FAM186A: variants seen among roughly 807,000 people sequenced by gnomAD.
FAM186A encodes family with sequence similarity 186 member A.
In FAM186A, 163 loss-of-function variants were observed where a neutral mutation model predicts 216.8. The ratio of observed to expected loss-of-function variants is 0.75; its 90% CI spans 0.66 to 0.86. FAM186A has a LOEUF of 0.86. Among genes scored for constraint, FAM186A ranks in the 40% least tolerant of loss-of-function variants. The probability of loss-of-function intolerance (pLI) is 0.00; values close to 1 mark genes in which losing one functional copy is unlikely to be tolerated. For synonymous variants in FAM186A, 805 were observed against 1,025.3 expected, an observed-to-expected ratio of 0.79 and a Z score of 4.10; for missense variants, 2,184 against 2,746.2, an observed-to-expected ratio of 0.80 and a Z score of 4.58.
Position 50,354,084 on chromosome 12 carries a change from C to T in FAM186A, c.2748G>A (p.Glu916=). The T allele has an allele frequency of 1.3e-6, 2 of 1,551,656 alleles. No homozygotes were observed. The highest frequency in any genetic ancestry group is 1.7e-6 in the Non-Finnish European group (2 of 1,146,990). Residue 916 remains glutamate, a synonymous_variant, in exon 4 of 8, where the codon GAG becomes GAA. Transcript: ENST00000327337. ...KQKQRGQEEE[E]LPKSSLQRLE... ...GCCGCTGCAGGCTTGACTTTGGAAG[C>T]TCTTCTTCCTCCTGTCCTCTTTGCT...
At chr12:50,373,082 GAAAGAAAGAAAGA>G (rs1378973617) in intron 1 of FAM186A, among the ~76,000 whole-genome samples, 3 of 141,758 alleles carry the variant, frequency 2.1e-5, no homozygotes, top group East Asian at 4.2e-4. Flanking sequence ...AAAGAGAAAA[GAAAGAAAGAAAGA>G]AAAGAAAGAA....
chr12:50,345,662 A>C (rs1025954411), intron 4 of FAM186A, among the ~76,000 whole-genome samples: 2 of 151,962 alleles, frequency 1.3e-5, no homozygotes, highest in African/African-American at 4.8e-5. Context: ...GATTGTGGGT[A>C]TGGGGCTTTA....
At chr12:50,360,970 A>G (rs1943028978) in intron 2 of FAM186A, 44 bp from the exon 3 acceptor site, 1 of 1,434,358 alleles carries the variant, frequency 7.0e-7, no homozygotes, top group African/African-American at 1.4e-5. Flanking sequence ...CAGAAAAATA[A>G]ATAACTATAG....
chr12:50,384,772 A>G (rs1175988551), intron 1 of FAM186A, among the ~76,000 whole-genome samples: 4 of 152,164 alleles, frequency 2.6e-5, no homozygotes, highest in Non-Finnish European at 5.9e-5. Context: ...CTCTAAACTT[A>G]CACCATATAC....
intron 1 of FAM186A, among the ~76,000 whole-genome samples, chr12:50,380,521 C>CAAAAA (rs60955395): frequency 1.7e-3 from 132 of 76,342 alleles, no homozygotes; most frequent in African/African-American, 3.2e-3. Context: ...ACTAAAAATA[C>CAAAAA]AAAAAAAAAA....
At chr12:50,334,867 T>G (rs1381070728) in intron 4 of FAM186A, among the ~76,000 whole-genome samples, 1 of 152,224 alleles carries the variant, frequency 6.6e-6, no homozygotes, top group East Asian at 1.9e-4. Flanking sequence ...CCAGTTCCTA[T>G]GAATGAACCT....
At position 50,352,606 on chromosome 12, in the gene FAM186A, A is replaced by G. The variant is rs1942908885; in HGVS notation, c.4226T>C (p.Ile1409Thr). The G allele has an allele frequency of 6.6e-7, 1 of 1,521,772 alleles. No homozygotes were observed. Among genetic ancestry groups the G allele is most frequent in the East Asian group, 2.5e-5 (1 of 39,220 alleles). The allele number at this position is 1,521,772 out of a possible 1,614,324, so 94.3% of individuals were successfully genotyped here. Residue 1409 changes from isoleucine to threonine, a missense_variant, in exon 4 of 8, where the codon ATC becomes ACC. Physicochemically the swap from Ile to Thr is moderately conservative, Grantham distance 89 (BLOSUM62 -1). Coordinates refer to ENST00000327337, the MANE Select transcript of FAM186A (RefSeq NM_001145475.3). ...CTGAGCCTGCTGAGGGGTGAGAGGG[A>G]TCCCCAGTTCCTGAGCCTGCTGAGT... ...LTTQQAQELG[I>T]PLTPQQAQEL...
At chr12:50,330,781 G>A in intron 6 of FAM186A, 23 bp from the exon 7 acceptor site, 1 of 1,495,164 alleles carries the variant, frequency 6.7e-7, no homozygotes, top group Non-Finnish European at 8.9e-7. Context: ...CATAAATTGG[G>A]AACGCCAAAT....
intron 1 of FAM186A, among the ~76,000 whole-genome samples, chr12:50,374,704 G>C (rs1238570874): frequency 1.3e-5 from 2 of 152,154 alleles, no homozygotes; most frequent in Non-Finnish European, 2.9e-5. Flanking sequence ...CATACTTAAT[G>C]GTAAACGTCT....
chr12:50,382,908 A>G (rs4321029), intron 1 of FAM186A, among the ~76,000 whole-genome samples: 127,548 of 151,836 alleles, frequency 0.84, 55,342 homozygotes, highest in Non-Finnish European at 0.95. Context: ...CTTTCTTTTA[A>G]GACTGCTGAG....
rs982353624 is a variant in FAM186A at position 50,393,778 on chromosome 12, G to A, written c.192+2515C>T. Among the ~76,000 whole-genome samples the A allele has an allele frequency of 7.2e-5, 11 of 152,172 alleles. 1 individual carries two copies. The highest frequency in any genetic ancestry group is 7.2e-4 in the Admixed American group (11 of 15,270). The stretch of plus-strand genomic sequence containing the variant: ...GTGGGAGGATGGCTTGAGCCCCGGA[G>A]GCAGAGGTTGCATACATTTTATGGT... On this transcript the variant is annotated intron_variant, in intron 1 of 7. Coordinates refer to ENST00000327337, the MANE Select transcript of FAM186A (RefSeq NM_001145475.3).
chr12:50,384,714 A>G (rs958142190), intron 1 of FAM186A, among the ~76,000 whole-genome samples: 21 of 152,166 alleles, frequency 1.4e-4, no homozygotes, highest in Admixed American at 1.2e-3. Context: ...TCTTCAATAA[A>G]TGGTGTTAGA....
chr12:50,386,691 C>T (rs1943306859), intron 1 of FAM186A, among the ~76,000 whole-genome samples: 2 of 151,794 alleles, frequency 1.3e-5, no homozygotes, highest in South Asian at 4.2e-4. Flanking sequence ...GAAACCCCGT[C>T]TCTGCTAAAA....
chr12:50,349,911 C>T (rs1186768987), intron 4 of FAM186A, among the ~76,000 whole-genome samples: 2 of 152,146 alleles, frequency 1.3e-5, no homozygotes, highest in Admixed American at 1.3e-4. Context: ...CTCAGCCTCC[C>T]AAAGTGCTGG....
Position 50,356,178 on chromosome 12 carries a change from T to TA in FAM186A, c.653dup (p.Leu218PhefsTer8). On this transcript the variant is annotated frameshift_variant, in exon 4 of 8. Transcript: ENST00000327337. LOFTEE classifies it high-confidence loss of function. Reference sequence around the variant, plus strand: ...GATCACTAATCATCTGATCTGGTCTTAAAGCACGGGCTGTTGAAGGTCGTT... The same window carrying TA: ...GATCACTAATCATCTGATCTGGTCTTAAAAGCACGGGCTGTTGAAGGTCGTT... The TA allele has an allele frequency of 6.4e-7, 1 of 1,551,596 alleles. No homozygotes were observed. Among genetic ancestry groups the TA allele is most frequent in the Non-Finnish European group, 8.7e-7 (1 of 1,146,964 alleles).
At chr12:50,383,540 G>A (rs1310730805) in intron 1 of FAM186A, among the ~76,000 whole-genome samples, 3 of 152,058 alleles carry the variant, frequency 2.0e-5, no homozygotes, top group Middle Eastern at 6.8e-3. Flanking sequence ...AAGTTGCAGT[G>A]AGCCAAGATC....
chr12:50,330,652 C>A lies in FAM186A; in HGVS notation c.6955G>T (p.Gly2319Trp). The change falls in exon 7 of 8, where the codon GGG becomes TGG. Residue 2319 changes from glycine to tryptophan, a missense_variant. Physicochemically the swap from Gly to Trp is radical, Grantham distance 184. Transcript: ENST00000327337. ...AGCAGCCTGGGAATATCTGGGTACC[C>A]ACCCAGCTGGGCCCAGAGTGAATGC... ...SMHSLWAQLG[G>W]YPDIPRLLQL... 3 of 1,550,556 alleles carry A rather than the reference C, an allele frequency of 1.9e-6. No homozygotes were observed. The highest frequency in any genetic ancestry group is 2.6e-6 in the Non-Finnish European group (3 of 1,146,520).
At chr12:50,384,014 A>G (rs1300728341) in intron 1 of FAM186A, among the ~76,000 whole-genome samples, 2 of 152,108 alleles carry the variant, frequency 1.3e-5, no homozygotes, top group Non-Finnish European at 2.9e-5. Flanking sequence ...GCTACTCACG[A>G]GGCTGAGGCA....
intron 4 of FAM186A, among the ~76,000 whole-genome samples, chr12:50,348,568 A>G (rs1197484775): frequency 6.7e-6 from 1 of 150,352 alleles, no homozygotes; most frequent in Non-Finnish European, 1.5e-5. Flanking sequence ...TTTATTTTTT[A>G]TTTTTTCCTG....
Sources: allele counts gnomAD v4.1 joint callset (sites outside exome capture counted in the v4.1 genomes callset), GRCh38; gene constraint gnomAD v4.1.1; transcripts MANE v1.5; gene names NCBI Gene and HGNC (gene_info 2026-07-23, HGNC 2026-07-21).